Variants in KLHL4 observed in about 807,000 individuals in gnomAD.
KLHL4 encodes kelch-like protein 4.
A neutral mutation model predicts 45.8 loss-of-function variants in KLHL4; 17 were observed. The ratio of observed to expected loss-of-function variants is 0.37; its 90% CI spans 0.25 to 0.56. The LOEUF is 0.56. Ranked by LOEUF, KLHL4 falls within the 20% of genes least tolerant of loss-of-function variation. The probability of loss-of-function intolerance (pLI) is 0.79; values close to 1 mark genes in which losing one functional copy is unlikely to be tolerated. For synonymous variants in KLHL4, 224 were observed against 189.9 expected (o/e 1.18, Z -1.47); for missense variants, 544 against 544.9 (o/e 1.00, Z 0.02).
chrX:87,533,874 C>A (rs1931368573), intron 1 of KLHL4, among the ~76,000 whole-genome samples: 1 of 110,447 alleles, frequency 9.1e-6, no homozygotes, highest in African/African-American at 3.3e-5. Flanking sequence ...TTCTGTAGAG[C>A]CACAATGAAT....
intron 9 of KLHL4, among the ~76,000 whole-genome samples, chrX:87,641,808 G>A (rs1180349727): frequency 1.8e-5 from 2 of 110,425 alleles, no homozygotes; most frequent in Non-Finnish European, 3.8e-5. Flanking sequence ...ACTCAGCAGA[G>A]GCAGCCATAA....
chrX:87,590,328 T>G (rs72634511), intron 1 of KLHL4, among the ~76,000 whole-genome samples: 3 of 109,922 alleles, frequency 2.7e-5, no homozygotes, highest in African/African-American at 9.9e-5. Context: ...GATATAATCC[T>G]GATGAAAAAA....
chrX:87,635,419 T>A lies in KLHL4; in HGVS notation c.1713-144T>A, dbSNP rs745793152. 11 of 422,381 alleles carry A rather than the reference T, an allele frequency of 2.6e-5. No individual in the cohort carries two copies. In the South Asian group the frequency reaches 4.6e-4, roughly 18 times the overall value. 34.8% of individuals were successfully genotyped at this position (422,381 alleles called of 1,213,427 possible). A position where few individuals can be genotyped will look rare whatever the true frequency, so the allele number is the denominator to read the frequency against. ...ACTTCTGCTATTCACTGCATAATAG[T>A]GTAGGAGTAGAATATATAGTCAGAC... On this transcript the variant is annotated intron_variant, in intron 8 of 10. Transcript: ENST00000373119.
At chrX:87,589,157 A>T (rs1240960055) in intron 1 of KLHL4, among the ~76,000 whole-genome samples, 3 of 112,034 alleles carry the variant, frequency 2.7e-5, no homozygotes, top group Non-Finnish European at 5.6e-5. Flanking sequence ...AGTCAATAAC[A>T]AATGCTGGTG....
intron 1 of KLHL4, among the ~76,000 whole-genome samples, chrX:87,592,618 G>A (rs1229649728): frequency 9.0e-6 from 1 of 111,407 alleles, no homozygotes; most frequent in Non-Finnish European, 1.9e-5. Context: ...TGATTTTGAC[G>A]TTACATGTCT....
At chrX:87,651,013 G>A (rs1389756867) in intron 9 of KLHL4, among the ~76,000 whole-genome samples, 1 of 111,846 alleles carries the variant, frequency 8.9e-6, no homozygotes, top group Non-Finnish European at 1.9e-5. Context: ...ACTCTAAGCT[G>A]GGTTTTCAGT....
intron 1 of KLHL4, among the ~76,000 whole-genome samples, chrX:87,591,188 A>G (rs756516331): frequency 8.9e-6 from 1 of 111,860 alleles, no homozygotes; most frequent in African/African-American, 3.2e-5. Context: ...TCTATCTAAT[A>G]TCTTATAGTG....
At chrX:87,646,324 G>C (rs1045926179) in intron 9 of KLHL4, among the ~76,000 whole-genome samples, 6 of 111,525 alleles carry the variant, frequency 5.4e-5, no homozygotes, top group African/African-American at 2.0e-4. Flanking sequence ...ACTGCCAAAA[G>C]CAGTCTACAG....
At chrX:87,644,958 C>T (rs1351046471) in intron 9 of KLHL4, among the ~76,000 whole-genome samples, 2 of 111,740 alleles carry the variant, frequency 1.8e-5, no homozygotes, top group East Asian at 2.8e-4. Context: ...TAAAAGATAA[C>T]ATTGGAAAAA....
intron 1 of KLHL4, among the ~76,000 whole-genome samples, chrX:87,593,841 A>G (rs1921753983): frequency 9.0e-6 from 1 of 111,514 alleles, no homozygotes; most frequent in Non-Finnish European, 1.9e-5. Flanking sequence ...TACGATCTTC[A>G]CAGCCATCAC....
chrX:87,565,685 CAAAAAAAAAAAAAAAA>C (rs748577568), intron 1 of KLHL4, among the ~76,000 whole-genome samples: 2 of 26,260 alleles, frequency 7.6e-5, no homozygotes, highest in African/African-American at 3.3e-4. Context: ...GTGATTGTGC[CAAAAAAAAAAAAAAAA>C]AAAAAAAAAA....
intron 1 of KLHL4, among the ~76,000 whole-genome samples, chrX:87,590,558 C>T: frequency 9.0e-6 from 1 of 111,331 alleles, no homozygotes; most frequent in East Asian, 2.8e-4. Flanking sequence ...AACAACAAAG[C>T]TGGAAGAGTC....
intron 9 of KLHL4, among the ~76,000 whole-genome samples, chrX:87,647,695 A>G (rs1294212264): frequency 9.0e-6 from 1 of 111,582 alleles, no homozygotes; most frequent in African/African-American, 3.3e-5. Flanking sequence ...GCAAAGGCAT[A>G]AGAATGATAC....
At chrX:87,637,568 T>C (rs182242204) in intron 9 of KLHL4, among the ~76,000 whole-genome samples, 14 of 111,241 alleles carry the variant, frequency 1.3e-4, no homozygotes, top group Non-Finnish European at 2.3e-4. Context: ...GAAGTCCAAC[T>C]TAAACACATC....
intron 9 of KLHL4, among the ~76,000 whole-genome samples, chrX:87,638,599 T>C (rs1199470526): frequency 9.0e-6 from 1 of 111,575 alleles, no homozygotes; most frequent in Non-Finnish European, 1.9e-5. Flanking sequence ...CTAAGCTTCA[T>C]AAATGAAGGA....
chrX:87,623,766 A>T (rs1922835619), intron 5 of KLHL4, among the ~76,000 whole-genome samples: 1 of 111,908 alleles, frequency 8.9e-6, no homozygotes, highest in Non-Finnish European at 1.9e-5. Context: ...GAAATAATAA[A>T]TATATACGTA....
intron 5 of KLHL4, among the ~76,000 whole-genome samples, 192 bp from the exon 6 acceptor site, chrX:87,625,418 A>G (rs1041954783): frequency 2.1e-4 from 23 of 111,794 alleles, no homozygotes; most frequent in Admixed American, 1.0e-3. Context: ...TTTTGTAGAG[A>G]CAAGGTTTTG....
At chrX:87,549,393 T>A (rs1485306245) in intron 1 of KLHL4, among the ~76,000 whole-genome samples, 1 of 111,442 alleles carries the variant, frequency 9.0e-6, no homozygotes, top group Non-Finnish European at 1.9e-5. Flanking sequence ...AAAGAAACAT[T>A]AGATTTAATC....
chrX:87,548,458 A>G (rs1202748932), intron 1 of KLHL4, among the ~76,000 whole-genome samples: 2 of 111,905 alleles, frequency 1.8e-5, no homozygotes, highest in East Asian at 5.6e-4. Context: ...TAGTAAGTAC[A>G]TAAAAAAACA....
Sources: gnomAD v4.1 joint callset for allele counts (sites outside exome capture counted in the v4.1 genomes callset) on GRCh38, gnomAD v4.1.1 for gene constraint, MANE v1.5 for transcripts, NCBI Gene and HGNC (gene_info 2026-07-23, HGNC 2026-07-21) for gene names.